SSC5D: variants seen among roughly 807,000 people sequenced by gnomAD.
The protein encoded by SSC5D is scavenger receptor cysteine rich family member with 5 domains.
SSC5D carries 106 observed loss-of-function variants against 104.6 expected under a neutral mutation model. The ratio of observed to expected loss-of-function variants is 1.01; its 90% CI spans 0.87 to 1.19. The LOEUF is 1.19. Ranked by LOEUF, SSC5D falls within the 50% of genes most tolerant of loss-of-function variation. SSC5D has a pLI of 0.00. For missense variants in SSC5D, 1,993 were observed against 2,153.8 expected (o/e 0.93, Z 1.48); for synonymous variants, 860 against 883.5 (o/e 0.97, Z 0.47).
chr19:55,514,380 G>C (rs2123458298), intron 13 of SSC5D, among the ~76,000 whole-genome samples: 1 of 148,716 alleles, frequency 6.7e-6, no homozygotes, highest in Middle Eastern at 3.6e-3. Flanking sequence ...ACTCCAGCCT[G>C]GGCAACAGAG....
intron 8 of SSC5D, among the ~76,000 whole-genome samples, chr19:55,495,106 T>C (rs370759422): frequency 1.3e-5 from 2 of 150,662 alleles, no homozygotes; most frequent in Admixed American, 1.3e-4. Context: ...GGATCCATCA[T>C]GGGGTACTCA....
At chr19:55,505,131 C>A (rs1229278272) in intron 12 of SSC5D, among the ~76,000 whole-genome samples, 5 of 151,644 alleles carry the variant, frequency 3.3e-5, no homozygotes, top group Non-Finnish European at 7.4e-5. Context: ...ACTGCAGGCC[C>A]CAATTCAATG....
chr19:55,511,472 C>T (rs1034290916), intron 12 of SSC5D, among the ~76,000 whole-genome samples: 5 of 152,046 alleles, frequency 3.3e-5, no homozygotes, highest in Non-Finnish European at 7.4e-5. Context: ...GGGGCGGCAG[C>T]GTGGGCAGAG....
chr19:55,518,074 C>T lies in SSC5D; in HGVS notation c.3798C>T (p.Phe1266=), dbSNP rs1987920435. Residue 1266 remains phenylalanine (F), a synonymous_variant, in exon 14 of 14, where the codon TTC becomes TTT. Transcript: ENST00000389623. ...IPDPTTTPQP[F]TTMQPTTMPH... is the part of the protein sequence containing the mutation. ...ACCCCACCACAACCCCTCAACCCTTCACCACCATGCAGCCCACCACGATGC... is the reference window on the plus strand; with the variant it reads ...ACCCCACCACAACCCCTCAACCCTTTACCACCATGCAGCCCACCACGATGC... 1.2e-5 allele frequency: 18 copies of T among 1,496,688 alleles called. No individual in the cohort carries two copies. Among genetic ancestry groups the T allele is most frequent in the East Asian group, 1.0e-4 (4 of 38,548 alleles). 92.7% of individuals were successfully genotyped at this position (1,496,688 alleles called of 1,614,324 possible).
Position 55,517,389 on chromosome 19 carries a change from C to T in SSC5D, c.3113C>T (p.Ser1038Phe). Reference sequence around the variant, plus strand: ...CTCACTCCCCACTCAGCCTTGACGTCCGAGGCGACCTCTGACGCTCCGGAC... The same window carrying T: ...CTCACTCCCCACTCAGCCTTGACGTTCGAGGCGACCTCTGACGCTCCGGAC... ...RELTPHSALT[S>F]EATSDAPDTS... The change falls in exon 14 of 14, where the codon TCC (serine) becomes TTC (phenylalanine). Residue 1038 changes from serine (S) to phenylalanine (F), a missense_variant. Transcript: ENST00000389623. 1 of 1,550,822 alleles carries T rather than the reference C, an allele frequency of 6.4e-7. No individual in the cohort carries two copies. The highest frequency in any genetic ancestry group is 1.2e-5 in the South Asian group (1 of 84,056).
In SSC5D at chr19:55,500,919, C is replaced by T. The variant is rs1325621139; in HGVS notation, c.2617+115C>T. 32 of 1,288,160 alleles carry T rather than the reference C, an allele frequency of 2.5e-5. No homozygotes were observed. Among genetic ancestry groups the T allele is most frequent in the Non-Finnish European group, 3.1e-5 (29 of 935,652 alleles). The allele number at this position is 1,288,160 out of a possible 1,614,324, so 79.8% of individuals were successfully genotyped here. On this transcript the variant is annotated intron_variant, in intron 11 of 13. Transcript: ENST00000389623. The surrounding 1 kb of genome is among the most constrained non-coding windows in gnomAD (Gnocchi z 4.6). ...CTCTAAAGAACTGGGTATGAGGGGTCGGGGTGGGGAGATCCCAGAGTTGCT... is the reference window on the plus strand; with the variant it reads ...CTCTAAAGAACTGGGTATGAGGGGTTGGGGTGGGGAGATCCCAGAGTTGCT...
Position 55,513,158 on chromosome 19 carries a change from T to A in SSC5D, c.2933T>A (p.Val978Asp). ...CCAGGCAGTCCTCCAACTCTGAGAG[T>A]CCATGGAGACACAGGTGAGACACGT... is the stretch of plus-strand genomic sequence containing the variant. ...RSPGSPPTLR[V>D]HGDTGSPRKP... The change falls in exon 13 of 14, where the codon GTC becomes GAC. Residue 978 changes from valine (V) to aspartate (D), a missense_variant. Physicochemically the swap from Val to Asp is radical, Grantham distance 152 (BLOSUM62 -3). Transcript: ENST00000389623. 6.6e-7 allele frequency: 1 copy of A among 1,506,530 alleles called. No individual in the cohort carries two copies. The highest frequency in any genetic ancestry group is 8.9e-7 in the Non-Finnish European group (1 of 1,124,064). 93.3% of individuals were successfully genotyped at this position (1,506,530 alleles called of 1,614,324 possible).
At chr19:55,488,714 G>A in intron 1 of SSC5D, 100 bp downstream of exon 1, 7 of 1,088,170 alleles carry the variant, frequency 6.4e-6, no homozygotes, top group Admixed American at 6.0e-5. Context: ...GGGACTGGTC[G>A]CTGGTGCTCC....
At chr19:55,516,856 G>T (rs10426185) in intron 13 of SSC5D, among the ~76,000 whole-genome samples, 20,644 of 151,994 alleles carry the variant, frequency 0.14, 2,012 homozygotes, top group African/African-American at 0.26. Flanking sequence ...TCCCCCGCTG[G>T]CTCAGAATCC....
intron 8 of SSC5D, among the ~76,000 whole-genome samples, chr19:55,497,050 C>T (rs1018306042): frequency 1.2e-4 from 19 of 152,204 alleles, no homozygotes; most frequent in Non-Finnish European, 2.4e-4. Context: ...TGGGAGCCAC[C>T]GTGCCGGGCC....
rs765066513 is a variant in SSC5D, at chr19:55,518,514, C to A, written c.4238C>A (p.Pro1413His). 1 of 1,551,284 alleles carries A rather than the reference C, an allele frequency of 6.4e-7. No individual in the cohort carries two copies. The highest frequency in any genetic ancestry group is 1.2e-5 in the South Asian group (1 of 84,050). The stretch of plus-strand genomic sequence containing the variant: ...CTGTCCACTGAGGACTTCAAGCCAC[C>A]CAGAAGCCAGAGCCCCAACCTAACC... ...DPLSTEDFKP[P>H]RSQSPNLTPP... The change falls in exon 14 of 14, where the codon CCC (proline) becomes CAC (histidine). Residue 1413 changes from proline to histidine, a missense_variant. Coordinates refer to ENST00000389623, the MANE Select transcript of SSC5D (RefSeq NM_001144950.2).
intron 12 of SSC5D, among the ~76,000 whole-genome samples, chr19:55,507,721 A>G (rs1038488719): frequency 1.3e-5 from 2 of 151,220 alleles, no homozygotes; most frequent in Admixed American, 6.6e-5. Flanking sequence ...AGAAGGTGCC[A>G]TTTAAGTGAG....
intron 12 of SSC5D, among the ~76,000 whole-genome samples, chr19:55,506,373 ATTTTTTTTTT>A (rs869296361): frequency 0.015 from 1,088 of 72,036 alleles, 77 homozygotes; most frequent in African/African-American, 0.049. Context: ...TGGAATTTGG[ATTTTTTTTTT>A]TTTTTTTTTT....
chr19:55,518,689 T>C lies in SSC5D; in HGVS notation c.4413T>C (p.Gly1471=), dbSNP rs1021360979. ...PTPGQSPGPH[G]PCVAPTPPVR... ...CTGGTCAGAGCCCAGGCCCCCATGG[T>C]CCATGTGTGGCCCCAACACCACCTG... is the stretch of plus-strand genomic sequence containing the variant. Residue 1471 remains glycine (G), a synonymous_variant, in exon 14 of 14, where the codon GGT becomes GGC. Transcript: ENST00000389623. 3 of 1,549,306 alleles carry C rather than the reference T, an allele frequency of 1.9e-6. No individual in the cohort carries two copies. The African/African-American group carries it at 4.1e-5, about 21-fold the overall frequency.
chr19:55,492,219 C>T (rs2123430850), intron 6 of SSC5D: 2 of 152,460 alleles, frequency 1.3e-5, no homozygotes, highest in Middle Eastern at 6.8e-3. Context: ...AGCTCCAGCC[C>T]CAGCCGCTGA....
In SSC5D at chr19:55,490,372, C is replaced by G; in HGVS notation, c.550C>G (p.Arg184Gly). ...SPRPKQAKST[R>G]APLLTTGAPR... ...CCGGCCCAAGCAGGCCAAGTCCACC[C>G]GGGCCCCTCTGCTGACGACAGGAGC... Residue 184 changes from arginine (R) to glycine (G), a missense_variant, in exon 5 of 14, where the codon CGG becomes GGG. Physicochemically the swap from Arg to Gly is moderately radical, Grantham distance 125. Transcript: ENST00000389623. The G allele has an allele frequency of 6.6e-7, 1 of 1,518,912 alleles. No individual in the cohort carries two copies. The highest frequency in any genetic ancestry group is 1.7e-4 in the Middle Eastern group (1 of 5,790). The allele number at this position is 1,518,912 out of a possible 1,614,324, so 94.1% of individuals were successfully genotyped here. A position where few individuals can be genotyped will look rare whatever the true frequency, so the allele number is the denominator to read the frequency against.
In SSC5D at chr19:55,500,719, C is replaced by G. The variant is rs776755042; in HGVS notation, c.2532C>G (p.Ser844Arg). ...IWLDDMGCKG[S>R]EASLSDCPSG... Reference sequence around the variant, plus strand: ...TGGATGACATGGGCTGTAAGGGAAGCGAGGCCTCACTGAGCGACTGCCCCT... The same window carrying G: ...TGGATGACATGGGCTGTAAGGGAAGGGAGGCCTCACTGAGCGACTGCCCCT... The change falls in exon 11 of 14, where the codon AGC becomes AGG. Residue 844 changes from serine to arginine, a missense_variant. Ser to Arg is a moderately radical substitution (Grantham distance 110). This residue lies in a region of SSC5D where 423 missense variants were observed against 409.2 expected (regional missense o/e 1.03). Coordinates refer to ENST00000389623, the MANE Select transcript of SSC5D (RefSeq NM_001144950.2). The surrounding 1 kb of genome is among the most constrained non-coding windows in gnomAD (Gnocchi z 4.6). 2 of 1,551,632 alleles carry G rather than the reference C, an allele frequency of 1.3e-6. No homozygotes were observed. The highest frequency in any genetic ancestry group is 2.7e-5 in the African/African-American group (2 of 73,140).
rs777958336 is a variant in SSC5D at position 55,494,712 on chromosome 19, C to G, written c.1316C>G (p.Ala439Gly). The change falls in exon 8 of 14, where the codon GCT becomes GGT. Residue 439 changes from alanine to glycine, a missense_variant. Physicochemically the swap from Ala to Gly is moderately conservative, Grantham distance 60 (BLOSUM62 0). This residue lies in a region of SSC5D where 1,101 missense variants were observed against 1,085.0 expected (regional missense o/e 1.01). Coordinates refer to ENST00000389623, the MANE Select transcript of SSC5D (RefSeq NM_001144950.2). ...CCCCCGTCCACCATGACGAGCCAGG[C>G]TCCAGGGACGGCAGGCGTTTCACCT... is the stretch of plus-strand genomic sequence containing the variant. The part of the protein sequence containing the change: ...SRPPSTMTSQ[A>G]PGTAGVSPPP... 2 of 1,550,446 alleles carry G rather than the reference C, an allele frequency of 1.3e-6. No homozygotes were observed.
intron 5 of SSC5D, 93 bp downstream of exon 5, chr19:55,490,501 AGCCGGGGCCCTGG>A: frequency 1.6e-6 from 1 of 618,964 alleles, no homozygotes; most frequent in Non-Finnish European, 2.8e-6. Context: ...CCCTCTCCTT[AGCCGGGGCCCTGG>A]AGGGATCCCA....
Sources: gnomAD v4.1 joint callset for allele counts (sites outside exome capture counted in the v4.1 genomes callset) on GRCh38, gnomAD v4.1.1 for gene constraint, gnomAD v4.1.1 regional missense constraint, Gnocchi (gnomAD v3.1) non-coding constraint, MANE v1.5 for transcripts, NCBI Gene and HGNC (gene_info 2026-07-23, HGNC 2026-07-21) for gene names.